INPP4B: variants seen among roughly 807,000 people sequenced by gnomAD.
INPP4B encodes inositol polyphosphate 4-phosphatase type II.
INPP4B carries 55 observed loss-of-function variants against 122.5 expected under a neutral mutation model. The observed-to-expected ratio is 0.45, with a 90% confidence interval of 0.36 to 0.56. INPP4B has a LOEUF of 0.56. INPP4B is among the 20% of genes least tolerant of loss of function. The pLI, the probability that INPP4B is intolerant of heterozygous loss-of-function variation, is 0.00. For synonymous variants in INPP4B, 403 were observed against 388.7 expected, an observed-to-expected ratio of 1.04 and a Z score of -0.43; for missense variants, 1,000 against 1,097.7, an observed-to-expected ratio of 0.91 and a Z score of 1.26.
At chr4:142,731,258 A>C (rs2150880479) in intron 1 of INPP4B, among the ~76,000 whole-genome samples, 1 of 152,314 alleles carries the variant, frequency 6.6e-6, no homozygotes, top group African/African-American at 2.4e-5. Flanking sequence ...AACATGAGAA[A>C]TATGATATGA....
Position 142,271,402 on chromosome 4 carries a change from TA to T in INPP4B, c.504-629del, listed in dbSNP as rs538596032. The stretch of plus-strand genomic sequence containing the variant: ...ATACCCCATTTGGAACCATCAAATC[TA>T]AAACAGCATAAACTGCAGCCCATCT... On this transcript the variant is annotated intron_variant, in intron 9 of 25. Transcript: ENST00000262992. Among the ~76,000 whole-genome samples the T allele has an allele frequency of 1.4e-4, 21 of 152,288 alleles. No homozygotes were observed. The East Asian group carries it at 3.3e-3, about 24-fold the overall frequency.
intron 2 of INPP4B, among the ~76,000 whole-genome samples, chr4:142,558,022 C>T (rs991311497): frequency 6.6e-6 from 1 of 152,214 alleles, no homozygotes; most frequent in Non-Finnish European, 1.5e-5. Flanking sequence ...ACTTCCTTTG[C>T]AGCTCTTGAC....
intron 2 of INPP4B, among the ~76,000 whole-genome samples, chr4:142,669,585 T>A (rs1012347336): frequency 6.6e-5 from 10 of 152,198 alleles, no homozygotes; most frequent in African/African-American, 2.4e-4. Flanking sequence ...ATAAGTGGTA[T>A]TGGGTAAACT....
chr4:142,260,585 A>T (rs765969704), intron 10 of INPP4B, 21 bp from the exon 11 acceptor site: 2 of 1,474,726 alleles, frequency 1.4e-6, no homozygotes, highest in Non-Finnish European at 1.8e-6. Flanking sequence ...ATGTAAAAAA[A>T]AAAAAAAAAT....
intron 2 of INPP4B, among the ~76,000 whole-genome samples, chr4:142,500,590 T>G (rs1226578502): frequency 1.3e-5 from 2 of 152,214 alleles, no homozygotes; most frequent in Non-Finnish European, 2.9e-5. Context: ...TATACAACAT[T>G]TTCTTTATCT....
intron 11 of INPP4B, among the ~76,000 whole-genome samples, chr4:142,257,205 T>G (rs1421054964): frequency 2.0e-5 from 3 of 152,170 alleles, no homozygotes; most frequent in Non-Finnish European, 4.4e-5. Flanking sequence ...GGGACGTATC[T>G]CAAAATAATA....
At chr4:142,224,597 G>A (rs1850725035) in intron 12 of INPP4B, among the ~76,000 whole-genome samples, 1 of 151,982 alleles carries the variant, frequency 6.6e-6, no homozygotes. Flanking sequence ...CAGCAACTAG[G>A]ATTTCAAAGC....
At chr4:142,066,318 G>A (rs1763474458) in intron 25 of INPP4B, among the ~76,000 whole-genome samples, 1 of 152,090 alleles carries the variant, frequency 6.6e-6, no homozygotes, top group Non-Finnish European at 1.5e-5. Context: ...GTTATAGTCT[G>A]GTAAGTACAT....
chr4:142,449,291 A>T (rs1263866561), intron 3 of INPP4B, among the ~76,000 whole-genome samples: 1 of 152,198 alleles, frequency 6.6e-6, no homozygotes, highest in Non-Finnish European at 1.5e-5. Flanking sequence ...CCAAACAGTA[A>T]CAGTTTGTAA....
intron 2 of INPP4B, among the ~76,000 whole-genome samples, chr4:142,513,466 G>A (rs967071019): frequency 1.1e-4 from 17 of 152,030 alleles, no homozygotes; most frequent in Admixed American, 8.5e-4. Context: ...GGAGTGTGAT[G>A]GCACAGTCTC....
rs202192432 is a variant in INPP4B, at chr4:142,641,626, A to T, written c.-191+84213T>A. On this transcript the variant is annotated intron_variant, in intron 2 of 25. Coordinates refer to ENST00000262992, the MANE Select transcript of INPP4B (RefSeq NM_001101669.3). ...ATCCTTTTTTATGGCTGCATAGTAT[A>T]CCATGGTGTGTATGTGCCACATTTT... 4.6e-5 allele frequency among the ~76,000 whole-genome samples: 7 copies of T among 152,214 alleles called. No homozygotes were observed. In the South Asian group the frequency reaches 1.0e-3, roughly 23 times the overall value.
intron 23 of INPP4B, 77 bp downstream of exon 23, chr4:142,108,016 A>G (rs1788024118): frequency 1.3e-6 from 1 of 746,192 alleles, no homozygotes; most frequent in African/African-American, 1.8e-5. Flanking sequence ...TAGTCCACTG[A>G]CCTCTATGTC....
At chr4:142,827,910 A>T (rs1013069336) in intron 1 of INPP4B, among the ~76,000 whole-genome samples, 1 of 152,166 alleles carries the variant, frequency 6.6e-6, no homozygotes, top group African/African-American at 2.4e-5. Context: ...GTAGTTTGTG[A>T]GTTAAATAAT....
chr4:142,187,330 T>G (rs918662996), intron 15 of INPP4B, among the ~76,000 whole-genome samples: 2 of 151,966 alleles, frequency 1.3e-5, no homozygotes, highest in African/African-American at 4.8e-5. Flanking sequence ...TAAAGTATAT[T>G]TTAATTGAAA....
chr4:142,666,764 C>A (rs1020427094), intron 2 of INPP4B, among the ~76,000 whole-genome samples: 2 of 152,042 alleles, frequency 1.3e-5, no homozygotes, highest in Non-Finnish European at 1.5e-5. Flanking sequence ...AAGACAAATG[C>A]AATCTATCAA....
At chr4:142,071,218 A>T (rs1489987570) in intron 25 of INPP4B, among the ~76,000 whole-genome samples, 7 of 152,220 alleles carry the variant, frequency 4.6e-5, no homozygotes, top group Non-Finnish European at 1.0e-4. Flanking sequence ...CAAACCTGAC[A>T]AAAACAAGAA....
intron 2 of INPP4B, among the ~76,000 whole-genome samples, chr4:142,482,635 A>G (rs558329411): frequency 1.3e-5 from 2 of 152,270 alleles, no homozygotes; most frequent in Admixed American, 1.3e-4. Flanking sequence ...AGTACTTTGA[A>G]GCACATAAAA....
intron 14 of INPP4B, among the ~76,000 whole-genome samples, chr4:142,196,350 A>G (rs1838206149): frequency 6.6e-6 from 1 of 152,106 alleles, no homozygotes; most frequent in Admixed American, 6.6e-5. Flanking sequence ...TAACTGCTTG[A>G]TGGGCACATC....
At position 142,682,023 on chromosome 4, in the gene INPP4B, T is replaced by C. The variant is rs1214836154; in HGVS notation, c.-191+43816A>G. 2.6e-5 allele frequency among the ~76,000 whole-genome samples: 4 copies of C among 151,954 alleles called. No homozygotes were observed. The East Asian group carries it at 7.8e-4, about 30-fold the overall frequency. ...ATCTTAATGTACACCTTTGGGATGT[T>C]TGTATCCTTGTTCTTCTAAGTGCTC... On this transcript the variant is annotated intron_variant, in intron 2 of 25. Coordinates refer to ENST00000262992, the MANE Select transcript of INPP4B (RefSeq NM_001101669.3).
Sources: allele counts gnomAD v4.1 joint callset (sites outside exome capture counted in the v4.1 genomes callset), GRCh38; gene constraint gnomAD v4.1.1; transcripts MANE v1.5; gene names NCBI Gene and HGNC (gene_info 2026-07-23, HGNC 2026-07-21).